Variants in TBC1D19 observed in about 807,000 individuals in gnomAD.
TBC1D19 encodes the protein TBC1 domain family member 19.
TBC1D19 carries 60 observed loss-of-function variants against 89.0 expected under a neutral mutation model. The ratio of observed to expected loss-of-function variants is 0.67; its 90% confidence interval spans 0.55 to 0.84. The LOEUF (loss-of-function observed/expected upper bound fraction) is 0.84, where lower values mean the gene tolerates loss of function less well. Among genes scored for constraint, TBC1D19 ranks in the 40% least tolerant of loss-of-function variants. TBC1D19 has a pLI of 0.00. For synonymous variants in TBC1D19, 189 were observed against 199.7 expected (o/e 0.95, Z 0.45); for missense variants, 500 against 610.8 (o/e 0.82, Z 1.91).
chr4:26,637,239 G>A lies in TBC1D19; in HGVS notation c.323G>A (p.Ser108Asn). 6.2e-7 allele frequency: 1 copy of A among 1,610,040 alleles called. No individual in the cohort carries two copies. The highest frequency in any genetic ancestry group is 8.5e-7 in the Non-Finnish European group (1 of 1,177,886). Reference sequence around the variant, plus strand: ...AGTTGGGAAAAAAGAATTTTGAAGAGTTTAAATAGTATGTGCACTGAACTG... The same window carrying A: ...AGTTGGGAAAAAAGAATTTTGAAGAATTTAAATAGTATGTGCACTGAACTG... Reference protein sequence around the residue: ...QGSWEKRILKSLNSMCTELSI... With the variant: ...QGSWEKRILKNLNSMCTELSI... The change falls in exon 5 of 21, where the codon AGT becomes AAT. Residue 108 changes from serine to asparagine, a missense_variant. Ser to Asn is a conservative substitution (Grantham distance 46, BLOSUM62 1). This residue lies in a region of TBC1D19 where 280 missense variants were observed against 291.7 expected (regional missense o/e 0.96). Coordinates refer to ENST00000264866, the MANE Select transcript of TBC1D19 (RefSeq NM_018317.4).
chr4:26,744,470 G>A (rs1333307338), intron 18 of TBC1D19, among the ~76,000 whole-genome samples: 1 of 151,480 alleles, frequency 6.6e-6, no homozygotes, highest in Admixed American at 6.6e-5. Flanking sequence ...GTAGAAGTTA[G>A]ATCATTGATT....
At chr4:26,847,328 G>A in the TBC1D19 span, among the ~76,000 whole-genome samples, 1 of 152,200 alleles carries the variant, frequency 6.6e-6, no homozygotes, top group Non-Finnish European at 1.5e-5. Flanking sequence ...ATCTGTGGGT[G>A]GATGTGAGGG....
downstream of TBC1D19, among the ~76,000 whole-genome samples, chr4:26,757,316 G>GTTCGC (rs1189559707): frequency 6.6e-6 from 1 of 152,070 alleles, no homozygotes; most frequent in African/African-American, 2.4e-5. Context: ...CACCGGACCT[G>GTTCGC]TCCGCTCCAT....
chr4:26,709,309 A>C (rs1380565582), intron 13 of TBC1D19, among the ~76,000 whole-genome samples: 2 of 152,014 alleles, frequency 1.3e-5, no homozygotes, highest in Non-Finnish European at 1.5e-5. Context: ...TGAATGACCT[A>C]GTCTTTAACA....
At chr4:26,690,386 AT>A (rs1714169677) in intron 13 of TBC1D19, among the ~76,000 whole-genome samples, 1 of 152,204 alleles carries the variant, frequency 6.6e-6, no homozygotes, top group Admixed American at 6.5e-5. Context: ...TAAACAACAG[AT>A]TTTTCAGTGT....
chr4:26,657,056 G>GTTCTTCTTCTTC (rs59336873), intron 7 of TBC1D19, among the ~76,000 whole-genome samples: 20 of 121,128 alleles, frequency 1.7e-4, no homozygotes, highest in African/African-American at 6.8e-4. Context: ...TCCTCTTCTT[G>GTTCTTCTTCTTC]TTCTTCTTCT....
the TBC1D19 span, among the ~76,000 whole-genome samples, chr4:26,782,234 A>T: frequency 2.6e-5 from 4 of 152,222 alleles, no homozygotes; most frequent in South Asian, 2.1e-4. Context: ...TTAAGAGGGT[A>T]TGGAAAGGTT....
At chr4:26,667,435 A>G (rs1711910171) in intron 9 of TBC1D19, among the ~76,000 whole-genome samples, 1 of 152,056 alleles carries the variant, frequency 6.6e-6, no homozygotes. Context: ...CTTGAACTTC[A>G]TATGAATAGA....
At chr4:26,805,794 G>A in the TBC1D19 span, among the ~76,000 whole-genome samples, 2 of 152,094 alleles carry the variant, frequency 1.3e-5, no homozygotes, top group African/African-American at 2.4e-5. Context: ...TCAGGAGTTC[G>A]AGACCAGCCT....
chr4:26,726,543 A>G (rs1717331679), intron 15 of TBC1D19, among the ~76,000 whole-genome samples: 1 of 152,216 alleles, frequency 6.6e-6, no homozygotes, highest in Non-Finnish European at 1.5e-5. Context: ...AACTACTGAA[A>G]TAGAGTAACA....
At chr4:26,686,771 C>T (rs1713847706) in intron 12 of TBC1D19, among the ~76,000 whole-genome samples, 1 of 152,068 alleles carries the variant, frequency 6.6e-6, no homozygotes, top group East Asian at 1.9e-4. Context: ...CTGTTTCTTT[C>T]TCCTTAATCT....
chr4:26,616,407 T>C (rs1314242764), intron 3 of TBC1D19, among the ~76,000 whole-genome samples: 2 of 152,200 alleles, frequency 1.3e-5, no homozygotes, highest in African/African-American at 4.8e-5. Flanking sequence ...GGAACTCTTT[T>C]CATATGGAAG....
chr4:26,804,728 G>A, the TBC1D19 span, among the ~76,000 whole-genome samples: 1 of 152,188 alleles, frequency 6.6e-6, no homozygotes, highest in South Asian at 2.1e-4. Flanking sequence ...TGCTCTGTTC[G>A]CAGGTGTCAG....
intron 19 of TBC1D19, among the ~76,000 whole-genome samples, chr4:26,751,882 G>A (rs1303272152): frequency 2.0e-5 from 3 of 152,220 alleles, no homozygotes; most frequent in Non-Finnish European, 4.4e-5. Flanking sequence ...CATTCTGATA[G>A]ACAGCAGAGC....
the TBC1D19 span, among the ~76,000 whole-genome samples, chr4:26,840,346 T>C: frequency 3.3e-5 from 5 of 151,872 alleles, no homozygotes; most frequent in South Asian, 1.0e-3. Context: ...CCTCCCAAAG[T>C]CCTGGGATTA....
chr4:26,673,442 T>TACACACAC (rs1167477111), intron 10 of TBC1D19, among the ~76,000 whole-genome samples: 211 of 14,666 alleles, frequency 0.014, no homozygotes, highest in Non-Finnish European at 0.052. Flanking sequence ...TATATATATA[T>TACACACAC]ATATACACAC....
chr4:26,656,700 A>G (rs1744843025), intron 7 of TBC1D19, among the ~76,000 whole-genome samples: 1 of 151,986 alleles, frequency 6.6e-6, no homozygotes, highest in Non-Finnish European at 1.5e-5. Flanking sequence ...CTGGAACTAC[A>G]GGAGCACACC....
chr4:26,592,867 TG>T (rs1739914176), intron 1 of TBC1D19, among the ~76,000 whole-genome samples: 1 of 152,226 alleles, frequency 6.6e-6, no homozygotes, highest in Admixed American at 6.5e-5. Context: ...GAACATTCCA[TG>T]CTCATGGGTG....
chr4:26,586,146 A>G (rs1739399179), intron 1 of TBC1D19, among the ~76,000 whole-genome samples: 2 of 145,780 alleles, frequency 1.4e-5, no homozygotes, highest in Non-Finnish European at 3.0e-5. Flanking sequence ...ATTTGAGTTA[A>G]TTATTGTATA....
Sources: allele counts gnomAD v4.1 joint callset (sites outside exome capture counted in the v4.1 genomes callset), GRCh38; gene constraint gnomAD v4.1.1; regional missense constraint gnomAD v4.1.1; transcripts MANE v1.5; gene names NCBI Gene and HGNC (gene_info 2026-07-23, HGNC 2026-07-21).